NRXN2: variants seen among roughly 807,000 people sequenced by gnomAD.
NRXN2 encodes the protein neurexin 2, also known as neurexin-2-beta.
Under a neutral mutation model 128.8 loss-of-function variants are expected in NRXN2, and 29 were observed. That is an observed-to-expected ratio of 0.23 (90% CI 0.17 to 0.31). The LOEUF (loss-of-function observed/expected upper bound fraction) is 0.31, where lower values mean the gene tolerates loss of function less well. NRXN2 is among the 10% of genes least tolerant of loss of function. The pLI is 1.00. For synonymous variants in NRXN2, 1,098 were observed against 1,075.2 expected, an observed-to-expected ratio of 1.02 and a Z score of -0.41; for missense variants, 1,881 against 2,452.6, an observed-to-expected ratio of 0.77 and a Z score of 4.92.
chr11:64,647,800 G>A (rs2046922300), intron 17 of NRXN2, among the ~76,000 whole-genome samples: 1 of 152,244 alleles, frequency 6.6e-6, no homozygotes, highest in African/African-American at 2.4e-5. Flanking sequence ...CAAAGGGGGT[G>A]CAGATTGTTA....
At chr11:64,666,204 A>AT (rs35403625) in intron 9 of NRXN2, among the ~76,000 whole-genome samples, 18,703 of 137,128 alleles carry the variant, frequency 0.14, 1,490 homozygotes, top group African/African-American at 0.2. Flanking sequence ...GAGTGAGTTA[A>AT]TTTTTTTTTT....
At position 64,651,168 on chromosome 11, in the gene NRXN2, C is replaced by T; in HGVS notation, c.2918+87G>A. ...CTTGTGATCTGGGGGGATTGGACAC[C>T]TCGGCCAGTAGCCAGGAGAGCTGTA... On this transcript the variant is annotated intron_variant, in intron 14 of 22. Coordinates refer to ENST00000265459, the MANE Select transcript of NRXN2 (RefSeq NM_015080.4). The surrounding 1 kb of genome is among the most constrained non-coding windows in gnomAD (Gnocchi z 5.9). 2.1e-5 allele frequency: 33 copies of T among 1,578,772 alleles called. No individual in the cohort carries two copies. Among genetic ancestry groups the T allele is most frequent in the Non-Finnish European group, 2.9e-5 (33 of 1,156,530 alleles).
intron 21 of NRXN2, among the ~76,000 whole-genome samples, chr11:64,621,740 AG>A: frequency 6.6e-6 from 1 of 152,274 alleles, no homozygotes; most frequent in East Asian, 1.9e-4. Flanking sequence ...TGGGAAGAGA[AG>A]GGGTGGCCAA....
At position 64,713,394 on chromosome 11, in the gene NRXN2, C is replaced by T; in HGVS notation, c.306G>A (p.Gln102=). 2 of 1,480,452 alleles carry T rather than the reference C, an allele frequency of 1.4e-6. No homozygotes were observed. Among genetic ancestry groups the T allele is most frequent in the Non-Finnish European group, 1.8e-6 (2 of 1,120,334 alleles). 91.7% of individuals were successfully genotyped at this position (1,480,452 alleles called of 1,614,324 possible). The change falls in exon 2 of 23, where the codon CAG becomes CAA. Residue 102 remains glutamine (Q), a synonymous_variant. Transcript: ENST00000265459. ...TLSCAEPATL[Q]LDTPVADDRW... ...GGTCGTCGGCCACCGGCGTGTCCAG[C>T]TGCAGCGTGGCCGGCTCGGCGCACG...
intron 1 of NRXN2, among the ~76,000 whole-genome samples, chr11:64,722,307 C>T (rs1240102219): frequency 2.0e-5 from 3 of 151,206 alleles, no homozygotes; most frequent in African/African-American, 7.3e-5. Flanking sequence ...CCAGCCTTCC[C>T]CCGCAAGCTT....
intron 2 of NRXN2, among the ~76,000 whole-genome samples, chr11:64,703,291 C>T (rs2055767558): frequency 6.6e-6 from 1 of 152,114 alleles, no homozygotes; most frequent in Non-Finnish European, 1.5e-5. Context: ...AAAAATAACA[C>T]TTTGCATATA....
intron 11 of NRXN2, chr11:64,659,811 C>T: frequency 9.6e-6 from 2 of 207,408 alleles, no homozygotes; most frequent in Non-Finnish European, 2.0e-5. Context: ...TACACACATG[C>T]ACCTCCACAC....
chr11:64,656,153 G>A (rs1703439517), intron 11 of NRXN2: 2 of 152,314 alleles, frequency 1.3e-5, no homozygotes, highest in South Asian at 4.1e-4. Flanking sequence ...CCAGGCATCT[G>A]TCTCAGAAGT....
chr11:64,713,313 G>A lies in NRXN2; in HGVS notation c.387C>T (p.Asp129=). Reference sequence around the variant, plus strand: ...GCACCTCGGCGGCGCGGGCCTCGCCGTCCACCGCCAGCGCCGTGCGGCGCG... The same window carrying A: ...GCACCTCGGCGGCGCGGGCCTCGCCATCCACCGCCAGCGCCGTGCGGCGCG... ...RDARRTALAV[D]GEARAAEVRS... The change falls in exon 2 of 23, where the codon GAC becomes GAT. Residue 129 remains aspartate (D), a synonymous_variant. Transcript: ENST00000265459. The A allele has an allele frequency of 7.3e-7, 1 of 1,362,002 alleles. No homozygotes were observed. The allele number at this position is 1,362,002 out of a possible 1,614,324, so 84.4% of individuals were successfully genotyped here.
intron 7 of NRXN2, among the ~76,000 whole-genome samples, chr11:64,669,418 T>C (rs2050331305): frequency 6.6e-6 from 1 of 152,146 alleles, no homozygotes; most frequent in Admixed American, 6.5e-5. Flanking sequence ...CTGACACCAC[T>C]AGAGTTACTC....
intron 1 of NRXN2, among the ~76,000 whole-genome samples, chr11:64,716,298 C>G (rs2057301962): frequency 6.6e-6 from 1 of 152,234 alleles, no homozygotes; most frequent in African/African-American, 2.4e-5. Context: ...CGCCCCACCC[C>G]CATCCCAGTC....
intron 2 of NRXN2, among the ~76,000 whole-genome samples, chr11:64,709,949 C>A (rs2056733420): frequency 6.6e-6 from 1 of 150,810 alleles, no homozygotes; most frequent in Admixed American, 6.6e-5. Flanking sequence ...ACTTTGTCAC[C>A]CAGGCTGGAG....
intron 2 of NRXN2, among the ~76,000 whole-genome samples, chr11:64,703,008 A>G (rs1009355624): frequency 6.8e-6 from 1 of 147,100 alleles, no homozygotes; most frequent in Non-Finnish European, 1.5e-5. Flanking sequence ...AGAAAGAATT[A>G]AAAAAAAAAG....
rs2043962618 is a variant in NRXN2 at position 64,631,890 on chromosome 11, C to G, written c.3586-1317G>C. ...CAGCACTCCTGAACGCGGTCTCAGC[C>G]CTCCTCCCACACGGAACAGACACTC... On this transcript the variant is annotated intron_variant, in intron 18 of 22. Transcript: ENST00000265459. The surrounding 1 kb of genome is among the most constrained non-coding windows in gnomAD (Gnocchi z 4.8). 6.6e-6 allele frequency among the ~76,000 whole-genome samples: 1 copy of G among 152,176 alleles called. No homozygotes were observed.
intron 11 of NRXN2, among the ~76,000 whole-genome samples, chr11:64,658,113 A>T (rs765709778): frequency 6.6e-6 from 1 of 152,180 alleles, no homozygotes; most frequent in Non-Finnish European, 1.5e-5. Flanking sequence ...AAGAGACACA[A>T]TCTTCTTCCC....
intron 9 of NRXN2, among the ~76,000 whole-genome samples, chr11:64,664,100 G>A (rs1257733558): frequency 6.6e-6 from 1 of 152,196 alleles, no homozygotes; most frequent in Admixed American, 6.5e-5. Context: ...GATGAGAAAA[G>A]TTCTGGAGAT....
intron 22 of NRXN2, among the ~76,000 whole-genome samples, chr11:64,617,849 A>G (rs1426146933): frequency 6.6e-6 from 1 of 152,142 alleles, no homozygotes; most frequent in Non-Finnish European, 1.5e-5. Flanking sequence ...AACCTTTCAC[A>G]GTGGTGCAAA....
intron 22 of NRXN2, among the ~76,000 whole-genome samples, chr11:64,608,637 G>A (rs1197215585): frequency 6.6e-6 from 1 of 151,322 alleles, no homozygotes; most frequent in Non-Finnish European, 1.5e-5. Context: ...GGGTTCTCCC[G>A]GAAAAAAAAT....
At chr11:64,677,142 C>A in intron 6 of NRXN2, 105 bp from the exon 7 acceptor site, 1 of 794,184 alleles carries the variant, frequency 1.3e-6, no homozygotes. Flanking sequence ...ATAAAATGAC[C>A]AACTGTGAAA....
Sources: gnomAD v4.1 joint callset for allele counts (sites outside exome capture counted in the v4.1 genomes callset) on GRCh38, gnomAD v4.1.1 for gene constraint, Gnocchi (gnomAD v3.1) non-coding constraint, MANE v1.5 for transcripts, NCBI Gene and HGNC (gene_info 2026-07-23, HGNC 2026-07-21) for gene names.